The following UMPS variants were observed in gnomAD, a reference collection of about 807,000 sequenced individuals.
UMPS encodes uridine monophosphate synthetase, also known as uridine 5'-monophosphate synthase.
A neutral mutation model predicts 38.9 loss-of-function variants in UMPS; 21 were observed. That is an observed-to-expected ratio of 0.54 (90% CI 0.38 to 0.78). The LOEUF is 0.78. Ranked by LOEUF, UMPS falls within the 30% of genes least tolerant of loss-of-function variation. The pLI, the probability that UMPS is intolerant of heterozygous loss-of-function variation, is 0.00. For synonymous variants in UMPS, 208 were observed against 219.3 expected, an observed-to-expected ratio of 0.95 and a Z score of 0.45; for missense variants, 533 against 591.6, an observed-to-expected ratio of 0.90 and a Z score of 1.03.
At chr3:124,740,537 C>T (rs1304163719) in intron 4 of UMPS, among the ~76,000 whole-genome samples, 1 of 152,168 alleles carries the variant, frequency 6.6e-6, no homozygotes, top group Admixed American at 6.5e-5. Context: ...AAGAGCTTCC[C>T]AGACATGCAG....
At position 124,740,135 on chromosome 3, in the gene UMPS, G is replaced by A; in HGVS notation, c.1094G>A (p.Cys365Tyr). 1 of 1,614,006 alleles carries A rather than the reference G, an allele frequency of 6.2e-7. No individual in the cohort carries two copies. Among genetic ancestry groups the A allele is most frequent in the East Asian group, 2.2e-5 (1 of 44,882 alleles). The change falls in exon 4 of 6, where the codon TGC becomes TAC. Residue 365 changes from cysteine to tyrosine, a missense_variant. Cys to Tyr is a radical substitution (Grantham distance 194). Coordinates refer to ENST00000232607, the MANE Select transcript of UMPS (RefSeq NM_000373.4). ...GTGGGCCTGCCTTTGCATCGGGGGTGCCTCCTTATTGCGGAAATGAGCTCC... is the reference window on the plus strand; with the variant it reads ...GTGGGCCTGCCTTTGCATCGGGGGTACCTCCTTATTGCGGAAATGAGCTCC... ...QEVGLPLHRGCLLIAEMSSTG... is the reference protein window; with the variant it reads ...QEVGLPLHRGYLLIAEMSSTG...
chr3:124,744,181 T>G lies in UMPS; in HGVS notation c.*97T>G, dbSNP rs780731043. 3.4e-6 allele frequency: 5 copies of G among 1,461,948 alleles called. No homozygotes were observed. Among genetic ancestry groups the G allele is most frequent in the Non-Finnish European group, 3.8e-6 (4 of 1,058,696 alleles). 90.6% of individuals were successfully genotyped at this position (1,461,948 alleles called of 1,614,324 possible). On this transcript the variant is annotated 3_prime_UTR_variant, in exon 6 of 6. Coordinates refer to ENST00000232607, the MANE Select transcript of UMPS (RefSeq NM_000373.4). ...CTGGAAATAATCCAATTATTCCTGC[T>G]TGGATTCTTCCACAGGGCCTGTGTA...
intron 2 of UMPS, 136 bp from the exon 3 acceptor site, chr3:124,737,432 G>A (rs1360121235): frequency 1.3e-6 from 1 of 788,148 alleles, no homozygotes; most frequent in East Asian, 2.6e-5. Flanking sequence ...CAACTAGCAA[G>A]TTTGGTATAC....
chr3:124,740,328 A>T, intron 4 of UMPS, 129 bp downstream of exon 4: 3 of 889,054 alleles, frequency 3.4e-6, no homozygotes, highest in Non-Finnish European at 5.2e-6. Context: ...TTAGTGTGAC[A>T]GTATATTAAT....
At position 124,744,697 on chromosome 3, in the gene UMPS, C is replaced by T. The variant is rs1479291828; in HGVS notation, c.*613C>T. ...GTGCTGGGATTACAGGTGTGAGCCACTGTGCCCAGCCTAATTGCAGTAAGA... is the reference window on the plus strand; with the variant it reads ...GTGCTGGGATTACAGGTGTGAGCCATTGTGCCCAGCCTAATTGCAGTAAGA... On this transcript the variant is annotated 3_prime_UTR_variant, in exon 6 of 6. Transcript: ENST00000232607. The T allele has an allele frequency of 2.2e-6, 1 of 454,050 alleles. No individual in the cohort carries two copies. The highest frequency in any genetic ancestry group is 4.4e-6 in the Non-Finnish European group (1 of 226,810). 28.1% of individuals were successfully genotyped at this position (454,050 alleles called of 1,614,324 possible).
chr3:124,748,600 C>G lies in UMPS; in HGVS notation c.*4516C>G. 2.2e-6 allele frequency: 1 copy of G among 454,048 alleles called. No homozygotes were observed. Among genetic ancestry groups the G allele is most frequent in the Non-Finnish European group, 4.4e-6 (1 of 226,772 alleles). The allele number at this position is 454,048 out of a possible 1,614,324, so 28.1% of individuals were successfully genotyped here. A position where few individuals can be genotyped will look rare whatever the true frequency, so the allele number is the denominator to read the frequency against. Reference sequence around the variant, plus strand: ...TCAGAGTCAGATCCTGGTGTGGGCTCTCACGTGCTGCTGCTGAATCCCAGG... The same window carrying G: ...TCAGAGTCAGATCCTGGTGTGGGCTGTCACGTGCTGCTGCTGAATCCCAGG... On this transcript the variant is annotated 3_prime_UTR_variant, in exon 6 of 6. Coordinates refer to ENST00000232607, the MANE Select transcript of UMPS (RefSeq NM_000373.4).
intron 5 of UMPS, among the ~76,000 whole-genome samples, chr3:124,743,364 G>A (rs952314407): frequency 8.0e-5 from 12 of 149,538 alleles, no homozygotes; most frequent in Non-Finnish European, 1.2e-4. Flanking sequence ...AGGGCGGGGC[G>A]CAGTAGCTCA....
chr3:124,744,184 G>T lies in UMPS; in HGVS notation c.*100G>T, dbSNP rs1201013214. 6.2e-6 allele frequency: 9 copies of T among 1,444,242 alleles called. No individual in the cohort carries two copies. In the African/African-American group the frequency reaches 1.1e-4, roughly 18 times the overall value. The allele number at this position is 1,444,242 out of a possible 1,614,324, so 89.5% of individuals were successfully genotyped here. A position where few individuals can be genotyped will look rare whatever the true frequency, so the allele number is the denominator to read the frequency against. On this transcript the variant is annotated 3_prime_UTR_variant, in exon 6 of 6. Transcript: ENST00000232607. ...GAAATAATCCAATTATTCCTGCTTG[G>T]ATTCTTCCACAGGGCCTGTGTAAGA...
chr3:124,737,431 A>G (rs1341181475), intron 2 of UMPS, 137 bp from the exon 3 acceptor site: 1 of 772,890 alleles, frequency 1.3e-6, no homozygotes, highest in South Asian at 1.7e-5. Flanking sequence ...GCAACTAGCA[A>G]GTTTGGTATA....
chr3:124,743,370 G>A (rs2063570452), intron 5 of UMPS, among the ~76,000 whole-genome samples: 3 of 149,990 alleles, frequency 2.0e-5, no homozygotes. Context: ...GGGCGCAGTA[G>A]CTCATGCCTG....
chr3:124,733,225 T>C (rs2063493099), intron 1 of UMPS, among the ~76,000 whole-genome samples: 1 of 152,180 alleles, frequency 6.6e-6, no homozygotes, highest in African/African-American at 2.4e-5. Flanking sequence ...AAAGGTAGCA[T>C]TAACTCACTA....
intron 4 of UMPS, 128 bp from the exon 5 acceptor site, chr3:124,742,024 A>G (rs1314978031): frequency 3.8e-6 from 3 of 795,694 alleles, no homozygotes; most frequent in Non-Finnish European, 6.2e-6. Flanking sequence ...AAGACCAGCC[A>G]GGGAACATAG....
Position 124,746,755 on chromosome 3 carries a change from TTGTGTGTGTGTGTGTGTGTGTG to T in UMPS, c.*2692_*2713del, listed in dbSNP as rs58981387. 9.0e-5 allele frequency: 38 copies of T among 420,552 alleles called. No individual in the cohort carries two copies. Among genetic ancestry groups the T allele is most frequent in the Middle Eastern group, 7.5e-4 (1 of 1,336 alleles). The allele number at this position is 420,552 out of a possible 1,614,324, so 26.1% of individuals were successfully genotyped here. A position where few individuals can be genotyped will look rare whatever the true frequency, so the allele number is the denominator to read the frequency against. ...ATTCTGTAGAACATAAGCCCATAGA[TTGTGTGTGTGTGTGTGTGTGTG>T]TGTGTGTGTGTGTGTGTGTGCATGC... On this transcript the variant is annotated 3_prime_UTR_variant, in exon 6 of 6. Coordinates refer to ENST00000232607, the MANE Select transcript of UMPS (RefSeq NM_000373.4).
Position 124,738,243 on chromosome 3 carries a change from AGT to A in UMPS, c.982+7_982+8del, listed in dbSNP as rs1224820655. The A allele has an allele frequency of 6.2e-7, 1 of 1,613,656 alleles. No homozygotes were observed. On this transcript the variant is annotated splice_donor_5th_base_variant and intron_variant, in intron 3 of 5. Transcript: ENST00000232607. Reference sequence around the variant, plus strand: ...ACAGTGAAAAAGCAGTATGAAGGTAAGTGTATTATTCAGGAATCTGCAAGAAT... The same window carrying A: ...ACAGTGAAAAAGCAGTATGAAGGTAAGTATTATTCAGGAATCTGCAAGAAT...
intron 2 of UMPS, 67 bp from the exon 3 acceptor site, chr3:124,737,501 T>C (rs1212157660): frequency 4.1e-6 from 6 of 1,452,830 alleles, no homozygotes; most frequent in Non-Finnish European, 5.8e-6. Context: ...ACAGAGTGTG[T>C]GTACGTATAT....
Position 124,747,596 on chromosome 3 carries a change from C to G in UMPS, c.*3512C>G, listed in dbSNP as rs997779825. Reference sequence around the variant, plus strand: ...CTCCCCCGTCCAATGTATGAAAGCCCCAGCTGATCTGTAAGCCTGGGAGCG... The same window carrying G: ...CTCCCCCGTCCAATGTATGAAAGCCGCAGCTGATCTGTAAGCCTGGGAGCG... On this transcript the variant is annotated 3_prime_UTR_variant, in exon 6 of 6. Transcript: ENST00000232607. 8.9e-6 allele frequency: 4 copies of G among 451,710 alleles called. No individual in the cohort carries two copies. Among genetic ancestry groups the G allele is most frequent in the Non-Finnish European group, 1.8e-5 (4 of 224,818 alleles). The allele number at this position is 451,710 out of a possible 1,614,324, so 28.0% of individuals were successfully genotyped here. A position where few individuals can be genotyped will look rare whatever the true frequency, so the allele number is the denominator to read the frequency against.
At position 124,733,262 on chromosome 3, in the gene UMPS, A is replaced by G. The variant is rs575151144; in HGVS notation, c.157-1831A>G. On this transcript the variant is annotated intron_variant, in intron 1 of 5. Transcript: ENST00000232607. ...AAATGCATTTTCCAAATCTGTTTTTATCTCTCTGTCAAAATTTGCAAATCA... is the reference window on the plus strand; with the variant it reads ...AAATGCATTTTCCAAATCTGTTTTTGTCTCTCTGTCAAAATTTGCAAATCA... Among the ~76,000 whole-genome samples, 6 of 152,338 alleles carry G rather than the reference A, an allele frequency of 3.9e-5. No homozygotes were observed. In the South Asian group the frequency reaches 1.2e-3, roughly 32 times the overall value.
chr3:124,748,984 G>A lies in UMPS; in HGVS notation c.*4900G>A, dbSNP rs1401256530. ...CCAAGGTTCTCATGAGGACAACCAT[G>A]TCTTCGGGGGTGCCCTTGTGCACAG... On this transcript the variant is annotated 3_prime_UTR_variant, in exon 6 of 6. Transcript: ENST00000232607. The A allele has an allele frequency of 4.4e-6, 2 of 453,980 alleles. No homozygotes were observed. Among genetic ancestry groups the A allele is most frequent in the East Asian group, 1.4e-4 (2 of 14,412 alleles). The allele number at this position is 453,980 out of a possible 1,614,324, so 28.1% of individuals were successfully genotyped here.
Position 124,746,707 on chromosome 3 carries a change from C to T in UMPS, c.*2623C>T. ...TGATGGAGTGGAGAACGCCATCCCC[C>T]AGCCTCTCCAGCTACTCGAGGCATT... On this transcript the variant is annotated 3_prime_UTR_variant, in exon 6 of 6. Coordinates refer to ENST00000232607, the MANE Select transcript of UMPS (RefSeq NM_000373.4). 1 of 452,026 alleles carries T rather than the reference C, an allele frequency of 2.2e-6. No individual in the cohort carries two copies. The highest frequency in any genetic ancestry group is 4.4e-6 in the Non-Finnish European group (1 of 225,276). The allele number at this position is 452,026 out of a possible 1,614,324, so 28.0% of individuals were successfully genotyped here. A position where few individuals can be genotyped will look rare whatever the true frequency, so the allele number is the denominator to read the frequency against.
Sources: allele counts gnomAD v4.1 joint callset (sites outside exome capture counted in the v4.1 genomes callset), GRCh38; gene constraint gnomAD v4.1.1; transcripts MANE v1.5; gene names NCBI Gene and HGNC (gene_info 2026-07-23, HGNC 2026-07-21).